Variants in IGF1R observed in about 807,000 individuals in gnomAD.
IGF1R encodes insulin-like growth factor 1 receptor.
IGF1R carries 44 observed loss-of-function variants against 144.6 expected under a neutral mutation model. The ratio of observed to expected loss-of-function variants is 0.30; its 90% CI spans 0.24 to 0.39. IGF1R has a LOEUF of 0.39. IGF1R is among the 10% of genes least tolerant of loss of function. The pLI, the probability that IGF1R is intolerant of heterozygous loss-of-function variation, is 1.00. For missense variants in IGF1R, 1,355 were observed against 1,833.7 expected (o/e 0.74, Z 4.77); for synonymous variants, 795 against 722.8 (o/e 1.10, Z -1.60).
intron 1 of IGF1R, among the ~76,000 whole-genome samples, chr15:98,671,869 G>A (rs4305005): frequency 0.75 from 113,614 of 152,160 alleles, 46,841 homozygotes; most frequent in Non-Finnish European, 0.9. Flanking sequence ...TGTAAGTTTA[G>A]GCTCTTGTTT....
intron 1 of IGF1R, among the ~76,000 whole-genome samples, chr15:98,685,972 C>G (rs2141222664): frequency 6.6e-6 from 1 of 152,348 alleles, no homozygotes; most frequent in South Asian, 2.1e-4. Flanking sequence ...GCAACCATCA[C>G]CACTGTCCAT....
chr15:98,727,608 A>C (rs1395384046), intron 2 of IGF1R, among the ~76,000 whole-genome samples: 1 of 152,164 alleles, frequency 6.6e-6, no homozygotes, highest in African/African-American at 2.4e-5. Flanking sequence ...ACCTGAGCTC[A>C]GGTGGGGCTG....
chr15:98,725,862 A>C (rs1252245532), intron 2 of IGF1R, among the ~76,000 whole-genome samples: 2 of 152,088 alleles, frequency 1.3e-5, no homozygotes, highest in Non-Finnish European at 2.9e-5. Context: ...AAAAGTGGAA[A>C]CCCTGATAAA....
intron 2 of IGF1R, among the ~76,000 whole-genome samples, chr15:98,865,440 G>A (rs531735964): frequency 6.6e-6 from 1 of 152,198 alleles, no homozygotes; most frequent in Non-Finnish European, 1.5e-5. Context: ...CCAAGGAGGG[G>A]CTGGCTGGAG....
At chr15:98,865,095 A>G (rs543673482) in intron 2 of IGF1R, among the ~76,000 whole-genome samples, 1 of 152,190 alleles carries the variant, frequency 6.6e-6, no homozygotes, top group Non-Finnish European at 1.5e-5. Flanking sequence ...TGCTGGACCA[A>G]AGAGGACTCC....
intron 19 of IGF1R, among the ~76,000 whole-genome samples, chr15:98,944,904 TTC>T (rs2016495217): frequency 6.6e-6 from 1 of 152,250 alleles, no homozygotes; most frequent in Admixed American, 6.5e-5. Context: ...CCATTGGACC[TTC>T]TCTCTGTAGC....
At chr15:98,854,086 C>T (rs1222315790) in intron 2 of IGF1R, among the ~76,000 whole-genome samples, 3 of 152,144 alleles carry the variant, frequency 2.0e-5, no homozygotes, top group Non-Finnish European at 2.9e-5. Flanking sequence ...ACCTTTGTTT[C>T]GTGATTTGAG....
intron 2 of IGF1R, among the ~76,000 whole-genome samples, chr15:98,851,974 C>T (rs118189989): frequency 1.3e-5 from 2 of 152,304 alleles, no homozygotes; most frequent in Non-Finnish European, 2.9e-5. Context: ...AATAAAGCAA[C>T]AATTTTTAGT....
intron 2 of IGF1R, among the ~76,000 whole-genome samples, chr15:98,772,338 C>G (rs1317763125): frequency 6.6e-6 from 1 of 151,798 alleles, no homozygotes; most frequent in Non-Finnish European, 1.5e-5. Flanking sequence ...TTTTGATATA[C>G]TGTTGTTTTC....
intron 1 of IGF1R, among the ~76,000 whole-genome samples, chr15:98,688,183 G>C (rs1251903970): frequency 6.6e-6 from 1 of 152,092 alleles, no homozygotes; most frequent in African/African-American, 2.4e-5. Flanking sequence ...CGGGTAGGGG[G>C]CAGGGTTTTG....
intron 2 of IGF1R, among the ~76,000 whole-genome samples, chr15:98,808,936 C>T (rs2056526570): frequency 6.6e-6 from 1 of 152,212 alleles, no homozygotes; most frequent in Non-Finnish European, 1.5e-5. Context: ...ATCCTCCTGC[C>T]TCAGCCTCCC....
intron 19 of IGF1R, among the ~76,000 whole-genome samples, chr15:98,948,203 C>T (rs918940082): frequency 6.6e-6 from 1 of 152,170 alleles, no homozygotes; most frequent in Non-Finnish European, 1.5e-5. Flanking sequence ...CTTTTTGGGT[C>T]AAAGCCAGGT....
chr15:98,758,177 T>C (rs2055202337), intron 2 of IGF1R, among the ~76,000 whole-genome samples: 1 of 151,992 alleles, frequency 6.6e-6, no homozygotes, highest in Admixed American at 6.6e-5. Context: ...GAGCAACAGA[T>C]CTTTTCTGTT....
rs972756452 is a variant in IGF1R at position 98,891,090 on chromosome 15, C to T, written c.641-235C>T. Among the ~76,000 whole-genome samples, 1 of 152,210 alleles carries T rather than the reference C, an allele frequency of 6.6e-6. No homozygotes were observed. Among genetic ancestry groups the T allele is most frequent in the Non-Finnish European group, 1.5e-5 (1 of 68,036 alleles). On this transcript the variant is annotated intron_variant, in intron 2 of 20. Transcript: ENST00000650285. The surrounding 1 kb of genome is among the most constrained non-coding windows in gnomAD (Gnocchi z 4.7). The stretch of plus-strand genomic sequence containing the variant: ...AGCTAATGGTTTGTCCCAGACCAAA[C>T]AAGGAGTTCCTAGGAGAGACTGAAC...
chr15:98,763,144 A>C (rs2055348901), intron 2 of IGF1R, among the ~76,000 whole-genome samples: 1 of 152,222 alleles, frequency 6.6e-6, no homozygotes, highest in African/African-American at 2.4e-5. Flanking sequence ...CTAAATTTAA[A>C]AGGAAAAGAC....
intron 2 of IGF1R, among the ~76,000 whole-genome samples, chr15:98,851,737 G>A (rs990771308): frequency 1.3e-5 from 2 of 152,186 alleles, no homozygotes; most frequent in South Asian, 4.1e-4. Flanking sequence ...AACCAGAAGG[G>A]GACTTAGCAA....
At chr15:98,654,578 G>T (rs1013216754) in intron 1 of IGF1R, among the ~76,000 whole-genome samples, 16 of 152,084 alleles carry the variant, frequency 1.1e-4, no homozygotes, top group Non-Finnish European at 2.1e-4. Context: ...TAATTGTAAA[G>T]CATACAAGAT....
intron 2 of IGF1R, among the ~76,000 whole-genome samples, chr15:98,886,293 C>A (rs529488844): frequency 6.6e-6 from 1 of 152,024 alleles, no homozygotes; most frequent in South Asian, 2.1e-4. Flanking sequence ...TCCTCTCCCC[C>A]CAAGGAAAAA....
At chr15:98,784,380 CCTTTT>C (rs1427057543) in intron 2 of IGF1R, 2 of 153,116 alleles carry the variant, frequency 1.3e-5, no homozygotes, top group African/African-American at 4.8e-5. Context: ...TGAGCATCTC[CCTTTT>C]CTTTTTACTG....
Sources: allele counts gnomAD v4.1 joint callset (sites outside exome capture counted in the v4.1 genomes callset), GRCh38; gene constraint gnomAD v4.1.1; non-coding constraint Gnocchi (gnomAD v3.1); transcripts MANE v1.5; gene names NCBI Gene and HGNC (gene_info 2026-07-23, HGNC 2026-07-21).